FAM20B: variants seen among roughly 807,000 people sequenced by gnomAD.
The protein encoded by FAM20B is FAM20B glycosaminoglycan xylosylkinase, also known as glycosaminoglycan xylosylkinase.
In FAM20B, 23 loss-of-function variants were observed where a neutral mutation model predicts 43.8. The observed-to-expected ratio is 0.53, with a 90% CI of 0.38 to 0.74. The LOEUF is 0.74. FAM20B is among the 30% of genes least tolerant of loss of function. The pLI is 0.00. For synonymous variants in FAM20B, 178 were observed against 192.4 expected (o/e 0.93, Z 0.62); for missense variants, 440 against 510.5 (o/e 0.86, Z 1.33).
At chr1:179,035,433 A>C in intron 1 of FAM20B, 1 of 707,458 alleles carries the variant, frequency 1.4e-6, no homozygotes, top group Non-Finnish European at 2.6e-6. Flanking sequence ...CACAATTCAC[A>C]CAGTAATGTA....
At chr1:179,059,829 G>A (rs774582209) in intron 4 of FAM20B, among the ~76,000 whole-genome samples, 43 of 151,962 alleles carry the variant, frequency 2.8e-4, no homozygotes, top group Non-Finnish European at 1.6e-4. Context: ...AAAATTAGCC[G>A]GGTGTGGTGG....
chr1:179,038,873 A>T (rs1412418862), intron 1 of FAM20B, among the ~76,000 whole-genome samples: 1 of 152,240 alleles, frequency 6.6e-6, no homozygotes, highest in Non-Finnish European at 1.5e-5. Flanking sequence ...AATAATTAGA[A>T]TTTGAAATTA....
intron 1 of FAM20B, among the ~76,000 whole-genome samples, chr1:179,043,267 C>T (rs1187803879): frequency 6.6e-6 from 1 of 152,244 alleles, no homozygotes; most frequent in Non-Finnish European, 1.5e-5. Flanking sequence ...ACGACATCAC[C>T]TGGGCTTTGC....
In FAM20B at chr1:179,073,545, A is replaced by ACTCCTGACCCCAGGTGATCCACCTGC. The variant is rs1652019132; in HGVS notation, c.*1405_*1430dup. 1 of 151,416 alleles carries ACTCCTGACCCCAGGTGATCCACCTGC rather than the reference A, an allele frequency of 6.6e-6. No individual in the cohort carries two copies. The highest frequency in any genetic ancestry group is 2.4e-5 in the African/African-American group (1 of 41,136). 9.4% of individuals were successfully genotyped at this position (151,416 alleles called of 1,614,324 possible). On this transcript the variant is annotated 3_prime_UTR_variant, in exon 8 of 8. Coordinates refer to ENST00000263733, the MANE Select transcript of FAM20B (RefSeq NM_014864.4). ...ACCATGTTGGCCAGGTTGATCTTGG[A>ACTCCTGACCCCAGGTGATCCACCTGC]CTCCTGACCCCAGGTGATCCACCTG...
chr1:179,044,526 A>G (rs1414366371), intron 2 of FAM20B, among the ~76,000 whole-genome samples: 1 of 152,190 alleles, frequency 6.6e-6, no homozygotes, highest in Non-Finnish European at 1.5e-5. Context: ...CTTTTCCTGA[A>G]TGTAATATAG....
chr1:179,035,503 T>C, intron 1 of FAM20B: 2 of 682,712 alleles, frequency 2.9e-6, no homozygotes. Flanking sequence ...GAAATGTCCC[T>C]GACTGCTGTG....
chr1:179,053,452 C>G (rs1326273461), intron 3 of FAM20B, among the ~76,000 whole-genome samples: 2 of 151,972 alleles, frequency 1.3e-5, no homozygotes, highest in African/African-American at 4.8e-5. Context: ...CCCAAACAAA[C>G]AAACAAACAA....
chr1:179,061,916 T>C (rs1448908308), intron 4 of FAM20B, among the ~76,000 whole-genome samples: 1 of 152,144 alleles, frequency 6.6e-6, no homozygotes, highest in African/African-American at 2.4e-5. Flanking sequence ...TACAAACTAG[T>C]TCCTGTGTCA....
upstream of FAM20B, among the ~76,000 whole-genome samples, chr1:179,022,445 ACT>A (rs1447543393): frequency 7.2e-5 from 11 of 151,830 alleles, no homozygotes; most frequent in East Asian, 1.4e-3. Flanking sequence ...GTTAAAAGAA[ACT>A]CTGTGTGTGT....
intron 7 of FAM20B, among the ~76,000 whole-genome samples, 192 bp from the exon 8 acceptor site, chr1:179,071,721 T>G (rs1389004640): frequency 6.6e-6 from 1 of 152,242 alleles, no homozygotes; most frequent in Non-Finnish European, 1.5e-5. Context: ...TATCTCTGAT[T>G]AGTTACACAG....
chr1:179,023,616 G>A (rs764987456), upstream of FAM20B, among the ~76,000 whole-genome samples: 1 of 152,220 alleles, frequency 6.6e-6, no homozygotes, highest in African/African-American at 2.4e-5. Context: ...ATCAGTGAAT[G>A]AATGAATAAA....
At chr1:179,040,127 C>T (rs967792310) in intron 1 of FAM20B, among the ~76,000 whole-genome samples, 12 of 152,192 alleles carry the variant, frequency 7.9e-5, no homozygotes, top group South Asian at 2.1e-4. Flanking sequence ...CTCCCATGTC[C>T]ACCTCCTTCT....
At chr1:179,042,619 C>G (rs1264580527) in intron 1 of FAM20B, among the ~76,000 whole-genome samples, 3 of 152,108 alleles carry the variant, frequency 2.0e-5, no homozygotes, top group Non-Finnish European at 4.4e-5. Context: ...TCAGTCCTGC[C>G]ATTTGGTGGG....
chr1:179,066,668 G>T, intron 6 of FAM20B, 132 bp from the exon 7 acceptor site: 1 of 658,764 alleles, frequency 1.5e-6, no homozygotes. Context: ...TTCAATTTAA[G>T]TGATTTGAGC....
In FAM20B at chr1:179,071,906, C is replaced by T; in HGVS notation, c.999-7C>T. The T allele has an allele frequency of 6.2e-7, 1 of 1,600,436 alleles. No homozygotes were observed. The highest frequency in any genetic ancestry group is 8.6e-7 in the Non-Finnish European group (1 of 1,168,252). Reference sequence around the variant, plus strand: ...TATGTACCTTGTTCTATAACTTTTTCTCCCAGCATTCGGGTGTCCACCTGG... The same window carrying T: ...TATGTACCTTGTTCTATAACTTTTTTTCCCAGCATTCGGGTGTCCACCTGG... On this transcript the variant is annotated splice_region_variant and splice_polypyrimidine_tract_variant and intron_variant, in intron 7 of 7. Transcript: ENST00000263733.
intron 1 of FAM20B, among the ~76,000 whole-genome samples, chr1:179,038,936 G>A (rs1310292899): frequency 6.6e-6 from 1 of 152,208 alleles, no homozygotes; most frequent in Non-Finnish European, 1.5e-5. Flanking sequence ...TAATCACTGA[G>A]AATAAACTTC....
intron 7 of FAM20B, among the ~76,000 whole-genome samples, chr1:179,070,260 G>C (rs1651861105): frequency 6.6e-6 from 1 of 151,916 alleles, no homozygotes; most frequent in African/African-American, 2.4e-5. Flanking sequence ...TGCCTAGGCT[G>C]GTCTCGAACT....
chr1:179,062,110 G>C (rs1371389074), intron 4 of FAM20B, among the ~76,000 whole-genome samples: 1 of 151,880 alleles, frequency 6.6e-6, no homozygotes, highest in Non-Finnish European at 1.5e-5. Flanking sequence ...AGGTTTCAGC[G>C]ATCCTCCTGC....
intron 7 of FAM20B, 70 bp downstream of exon 7, chr1:179,066,929 A>G (rs1651715589): frequency 3.5e-6 from 4 of 1,143,280 alleles, no homozygotes; most frequent in Non-Finnish European, 5.3e-6. Flanking sequence ...CAGTACATCC[A>G]TTTTCTTGGC....
Sources: allele counts gnomAD v4.1 joint callset (sites outside exome capture counted in the v4.1 genomes callset), GRCh38; gene constraint gnomAD v4.1.1; transcripts MANE v1.5; gene names NCBI Gene and HGNC (gene_info 2026-07-23, HGNC 2026-07-21).